ITGA11: variants seen among roughly 807,000 people sequenced by gnomAD.
The protein encoded by ITGA11 is integrin alpha-11.
In ITGA11, 97 loss-of-function variants were observed where a neutral mutation model predicts 141.9. That is an observed-to-expected ratio of 0.68 (90% CI 0.58 to 0.81). The LOEUF (loss-of-function observed/expected upper bound fraction) is 0.81, where lower values mean the gene tolerates loss of function less well. Among genes scored for constraint, ITGA11 ranks in the 30% least tolerant of loss-of-function variants. The pLI, the probability that ITGA11 is intolerant of heterozygous loss-of-function variation, is 0.00. For synonymous variants in ITGA11, 658 were observed against 624.6 expected (o/e 1.05, Z -0.80); for missense variants, 1,387 against 1,559.2 (o/e 0.89, Z 1.86).
At chr15:68,364,653 C>T (rs1367513504) in intron 4 of ITGA11, 54 bp downstream of exon 4, 1 of 886,704 alleles carries the variant, frequency 1.1e-6, no homozygotes, top group East Asian at 2.6e-5. Flanking sequence ...CTCCACCCCT[C>T]CCCACCCCCA....
chr15:68,387,454 T>G (rs1391502311), intron 2 of ITGA11, among the ~76,000 whole-genome samples: 1 of 152,182 alleles, frequency 6.6e-6, no homozygotes, highest in Non-Finnish European at 1.5e-5. Context: ...CAGGCCTCAC[T>G]CAGACCTACT....
intron 2 of ITGA11, among the ~76,000 whole-genome samples, chr15:68,398,595 A>G (rs1055632103): frequency 8.2e-5 from 10 of 121,560 alleles, no homozygotes; most frequent in African/African-American, 2.4e-4. Flanking sequence ...TATATTAAAT[A>G]TAATATAAAT....
intron 2 of ITGA11, among the ~76,000 whole-genome samples, chr15:68,372,428 G>C (rs1159083160): frequency 6.6e-6 from 1 of 152,228 alleles, no homozygotes; most frequent in Non-Finnish European, 1.5e-5. Flanking sequence ...GTGGGCACCA[G>C]ACGGCACAGC....
At chr15:68,311,619 G>A (rs1051483083) in intron 24 of ITGA11, among the ~76,000 whole-genome samples, 4 of 152,190 alleles carry the variant, frequency 2.6e-5, no homozygotes, top group African/African-American at 9.7e-5. Flanking sequence ...AGCCCTGAGA[G>A]GGGATGGGTG....
In ITGA11 at chr15:68,301,590, G is replaced by A. The variant is rs918177626; in HGVS notation, c.*1469C>T. 6.6e-6 allele frequency: 1 copy of A among 152,256 alleles called. No homozygotes were observed. Among genetic ancestry groups the A allele is most frequent in the South Asian group, 2.1e-4 (1 of 4,832 alleles). The allele number at this position is 152,256 out of a possible 1,614,324, so 9.4% of individuals were successfully genotyped here. On this transcript the variant is annotated 3_prime_UTR_variant, in exon 30 of 30. Transcript: ENST00000315757. The surrounding 1 kb of genome is among the most constrained non-coding windows in gnomAD (Gnocchi z 4.4). Reference sequence around the variant, plus strand: ...ATGGTGGATGAGTCCCTTCTGACATGTAGAGGTAGGGGGGAGGAAGCAAGG... The same window carrying A: ...ATGGTGGATGAGTCCCTTCTGACATATAGAGGTAGGGGGGAGGAAGCAAGG...
intron 11 of ITGA11, among the ~76,000 whole-genome samples, chr15:68,337,375 AC>A (rs1894395631): frequency 6.6e-6 from 1 of 151,806 alleles, no homozygotes; most frequent in African/African-American, 2.4e-5. Context: ...TTTATACTGC[AC>A]CCCCAGTGGA....
chr15:68,350,000 G>A (rs1894853347), intron 9 of ITGA11, among the ~76,000 whole-genome samples: 1 of 152,038 alleles, frequency 6.6e-6, no homozygotes, highest in Non-Finnish European at 1.5e-5. Context: ...GCGAAATTTG[G>A]CAACCCTAGT....
rs767648327 is a variant in ITGA11 at position 68,312,808 on chromosome 15, C to G, written c.2938G>C (p.Asp980His). Reference protein sequence around the residue: ...VKPNSSLERYDGIGPPFSCIF... With the variant: ...VKPNSSLERYHGIGPPFSCIF... ...CAGCTGAAGGGAGGCCCGATACCATCGTATCTCTCCAGCGAGCTGTTGGGC... is the reference window on the plus strand; with the variant it reads ...CAGCTGAAGGGAGGCCCGATACCATGGTATCTCTCCAGCGAGCTGTTGGGC... The change falls in exon 24 of 30, where the codon GAT becomes CAT. Residue 980 changes from aspartate (D) to histidine (H), a missense_variant. Transcript: ENST00000315757. 6.2e-7 allele frequency: 1 copy of G among 1,613,716 alleles called. No homozygotes were observed. The highest frequency in any genetic ancestry group is 1.1e-5 in the South Asian group (1 of 91,054).
chr15:68,309,991 AAGGAGCCAAATC>A (rs1406783182), intron 26 of ITGA11, among the ~76,000 whole-genome samples: 2 of 152,228 alleles, frequency 1.3e-5, no homozygotes, highest in Non-Finnish European at 2.9e-5. Flanking sequence ...AAGAAGTTAG[AAGGAGCCAAATC>A]AGGACTGGAA....
Position 68,361,539 on chromosome 15 carries a change from C to T in ITGA11, c.472+51G>A, listed in dbSNP as rs1002528949. 4.5e-5 allele frequency: 56 copies of T among 1,255,916 alleles called. 1 individual carries two copies. The Admixed American group carries it at 7.5e-4, about 17-fold the overall frequency. 77.8% of individuals were successfully genotyped at this position (1,255,916 alleles called of 1,614,324 possible). On this transcript the variant is annotated intron_variant, in intron 5 of 29. Transcript: ENST00000315757. ...GTTGTTGTGCTCAGGGCCCAAGTCT[C>T]TCTGGACTGTCCACTGCTCAGCTTG...
At chr15:68,336,721 C>A (rs1203652727) in intron 11 of ITGA11, among the ~76,000 whole-genome samples, 1 of 152,214 alleles carries the variant, frequency 6.6e-6, no homozygotes, top group Non-Finnish European at 1.5e-5. Context: ...ACTTTGTTGA[C>A]AGTTCCTGGG....
At chr15:68,394,266 C>G (rs990849649) in intron 2 of ITGA11, among the ~76,000 whole-genome samples, 1 of 152,158 alleles carries the variant, frequency 6.6e-6, no homozygotes, top group African/African-American at 2.4e-5. Context: ...TACAGCAGCT[C>G]TCTTGACCAC....
In ITGA11 at chr15:68,330,193, G is replaced by A. The variant is rs1359093838; in HGVS notation, c.1901+788C>T. ...ACCTGGAGGAAGACATTTCCCCCTTGGGTTGTAGTATTCTTGTGAACAGGA... is the reference window on the plus strand; with the variant it reads ...ACCTGGAGGAAGACATTTCCCCCTTAGGTTGTAGTATTCTTGTGAACAGGA... On this transcript the variant is annotated intron_variant, in intron 15 of 29. Transcript: ENST00000315757. 2.0e-5 allele frequency among the ~76,000 whole-genome samples: 3 copies of A among 152,174 alleles called. 1 individual carries two copies. The highest frequency in any genetic ancestry group is 4.4e-5 in the Non-Finnish European group (3 of 68,050).
rs1893831241 is a variant in ITGA11, at chr15:68,322,048, T to C, written c.2323-545A>G. Among the ~76,000 whole-genome samples the C allele has an allele frequency of 6.6e-6, 1 of 152,168 alleles. No individual in the cohort carries two copies. Among genetic ancestry groups the C allele is most frequent in the East Asian group, 1.9e-4 (1 of 5,184 alleles). On this transcript the variant is annotated intron_variant, in intron 18 of 29. Transcript: ENST00000315757. The surrounding 1 kb of genome is among the most constrained non-coding windows in gnomAD (Gnocchi z 5.6). ...AGTTCTGAAGGACGGTCAAGGTAGC[T>C]GTGTGGACCGGGATGGAGGTGGTGA...
At chr15:68,341,002 C>A (rs896986740) in intron 10 of ITGA11, among the ~76,000 whole-genome samples, 2 of 152,188 alleles carry the variant, frequency 1.3e-5, no homozygotes, top group African/African-American at 2.4e-5. Flanking sequence ...TCCCACGGAG[C>A]CTTCCCTGAG....
chr15:68,335,546 T>G lies in ITGA11; in HGVS notation c.1425+151A>C. The stretch of plus-strand genomic sequence containing the variant: ...CCTTCTGTAGGTGGATGCGCACTCC[T>G]GCCACTCCTGGCAGCATGAAGGTGG... On this transcript the variant is annotated intron_variant, in intron 12 of 29. Coordinates refer to ENST00000315757, the MANE Select transcript of ITGA11 (RefSeq NM_001004439.2). This position sits in a 1 kb window ranked among gnomAD's most constrained non-coding sequence, Gnocchi z 4.9. 1.1e-6 allele frequency: 1 copy of G among 873,206 alleles called. No homozygotes were observed. Among genetic ancestry groups the G allele is most frequent in the South Asian group, 1.6e-5 (1 of 60,968 alleles). 54.1% of individuals were successfully genotyped at this position (873,206 alleles called of 1,614,324 possible). A position where few individuals can be genotyped will look rare whatever the true frequency, so the allele number is the denominator to read the frequency against.
Position 68,305,673 on chromosome 15 carries a change from T to A in ITGA11, c.3381+1675A>T, listed in dbSNP as rs1235646892. On this transcript the variant is annotated intron_variant, in intron 28 of 29. Coordinates refer to ENST00000315757, the MANE Select transcript of ITGA11 (RefSeq NM_001004439.2). The surrounding 1 kb of genome is among the most constrained non-coding windows in gnomAD (Gnocchi z 4.6). ...CTGCCTCATCTCACATGCCTCGGTGTGCATACCTGAGAGATGGGGGTGGGG... is the reference window on the plus strand; with the variant it reads ...CTGCCTCATCTCACATGCCTCGGTGAGCATACCTGAGAGATGGGGGTGGGG... Among the ~76,000 whole-genome samples, 1 of 152,194 alleles carries A rather than the reference T, an allele frequency of 6.6e-6. No individual in the cohort carries two copies. Among genetic ancestry groups the A allele is most frequent in the South Asian group, 2.1e-4 (1 of 4,828 alleles).
chr15:68,382,025 T>C (rs10851786), intron 2 of ITGA11, among the ~76,000 whole-genome samples: 123,520 of 152,222 alleles, frequency 0.81, 50,405 homozygotes, highest in East Asian at 1. Context: ...TGGGTTGCAT[T>C]AGGGAATCAT....
intron 2 of ITGA11, among the ~76,000 whole-genome samples, chr15:68,376,582 T>G (rs1169420583): frequency 2.0e-5 from 3 of 152,208 alleles, no homozygotes; most frequent in African/African-American, 7.2e-5. Flanking sequence ...CCTGGCTTAG[T>G]GGGATGCCTG....
Sources: gnomAD v4.1 joint callset for allele counts (sites outside exome capture counted in the v4.1 genomes callset) on GRCh38, gnomAD v4.1.1 for gene constraint, Gnocchi (gnomAD v3.1) non-coding constraint, MANE v1.5 for transcripts, NCBI Gene and HGNC (gene_info 2026-07-23, HGNC 2026-07-21) for gene names.